FSTL4: variants seen among roughly 807,000 people sequenced by gnomAD.
FSTL4 encodes the protein follistatin like 4.
FSTL4 carries 28 observed loss-of-function variants against 78.2 expected under a neutral mutation model. The observed-to-expected ratio is 0.36, with a 90% CI of 0.27 to 0.49. The LOEUF is 0.49. Ranked by LOEUF, FSTL4 falls within the 20% of genes least tolerant of loss-of-function variation. The pLI is 0.98. For synonymous variants in FSTL4, 422 were observed against 440.5 expected (o/e 0.96, Z 0.53); for missense variants, 922 against 1,084.9 (o/e 0.85, Z 2.11).
intron 3 of FSTL4, among the ~76,000 whole-genome samples, chr5:133,499,813 T>C (rs184689228): frequency 6.6e-6 from 1 of 152,320 alleles, no homozygotes; most frequent in Admixed American, 6.5e-5. Flanking sequence ...GTACACATTT[T>C]AGCTTTATTA....
chr5:133,591,238 G>A (rs1240498613), intron 2 of FSTL4, among the ~76,000 whole-genome samples: 1 of 152,170 alleles, frequency 6.6e-6, no homozygotes, highest in African/African-American at 2.4e-5. Flanking sequence ...AGACAGGCCG[G>A]GTTGGTGAGG....
the FSTL4 span, among the ~76,000 whole-genome samples, chr5:133,786,708 T>A: frequency 1.3e-5 from 2 of 152,158 alleles, no homozygotes; most frequent in Non-Finnish European, 2.9e-5. Flanking sequence ...CAAAAAGGAC[T>A]TCCTAGGGTC....
chr5:133,839,624 C>T, the FSTL4 span, among the ~76,000 whole-genome samples: 1 of 152,214 alleles, frequency 6.6e-6, no homozygotes, highest in African/African-American at 2.4e-5. Context: ...CCTTAGACTT[C>T]TGATCCCACC....
chr5:133,495,090 G>A (rs1040252017), intron 3 of FSTL4, among the ~76,000 whole-genome samples: 1 of 152,308 alleles, frequency 6.6e-6, no homozygotes, highest in South Asian at 2.1e-4. Context: ...TCCATCCGGG[G>A]AAACGAGCAG....
At chr5:133,674,609 G>C in the FSTL4 span, among the ~76,000 whole-genome samples, 2,329 of 138,446 alleles carry the variant, frequency 0.017, 52 homozygotes, top group African/African-American at 0.057. Flanking sequence ...GTGTGTGTGT[G>C]TCTGTGTGTG....
chr5:133,304,530 T>C (rs924676382), intron 6 of FSTL4, among the ~76,000 whole-genome samples: 1 of 152,214 alleles, frequency 6.6e-6, no homozygotes, highest in African/African-American at 2.4e-5. Context: ...TTGTATATAA[T>C]AGATTTTCAA....
At chr5:133,535,057 G>A (rs1759325227) in intron 3 of FSTL4, among the ~76,000 whole-genome samples, 1 of 152,168 alleles carries the variant, frequency 6.6e-6, no homozygotes, top group Non-Finnish European at 1.5e-5. Context: ...TAAGGAGGGG[G>A]GTTATCTGAC....
chr5:133,487,068 T>C (rs2112864110), intron 3 of FSTL4, among the ~76,000 whole-genome samples: 1 of 152,310 alleles, frequency 6.6e-6, no homozygotes, highest in South Asian at 2.1e-4. Flanking sequence ...CAGCTGTATC[T>C]GGGGGTAGTG....
chr5:133,797,715 T>A, the FSTL4 span, among the ~76,000 whole-genome samples: 1 of 151,778 alleles, frequency 6.6e-6, no homozygotes, highest in Non-Finnish European at 1.5e-5. Context: ...TCCGTAGGAG[T>A]CCAACTCAAC....
At chr5:133,474,254 C>T (rs1757883401) in intron 3 of FSTL4, among the ~76,000 whole-genome samples, 1 of 152,124 alleles carries the variant, frequency 6.6e-6, no homozygotes, top group Admixed American at 6.5e-5. Flanking sequence ...TTTTTGACCC[C>T]TGCATCACCC....
At chr5:133,347,489 G>A (rs1260680495) in intron 4 of FSTL4, among the ~76,000 whole-genome samples, 2 of 152,188 alleles carry the variant, frequency 1.3e-5, no homozygotes, top group Non-Finnish European at 2.9e-5. Flanking sequence ...TGGGACAACA[G>A]GCGTGTGCCA....
rs918127502 is a variant in FSTL4 at position 133,612,144 on chromosome 5, G to A, written c.-11+181C>T. Among the ~76,000 whole-genome samples, 13 of 151,956 alleles carry A rather than the reference G, an allele frequency of 8.6e-5. No homozygotes were observed. Among genetic ancestry groups the A allele is most frequent in the Non-Finnish European group, 1.6e-4 (11 of 67,932 alleles). On this transcript the variant is annotated intron_variant, in intron 1 of 15. Transcript: ENST00000265342. The surrounding 1 kb of genome is among the most constrained non-coding windows in gnomAD (Gnocchi z 6.2). ...GCCCTGGCCCAGCGGTCCCTTCCCC[G>A]CGGGCAAACTTGGCTTTCCCGGCGC...
chr5:133,705,097 G>T, the FSTL4 span, among the ~76,000 whole-genome samples: 1 of 152,144 alleles, frequency 6.6e-6, no homozygotes, highest in African/African-American at 2.4e-5. Flanking sequence ...GTCTCGCTCT[G>T]TTGCCCAGGC....
the FSTL4 span, among the ~76,000 whole-genome samples, chr5:133,673,919 G>T: frequency 6.6e-6 from 1 of 152,138 alleles, no homozygotes; most frequent in East Asian, 1.9e-4. Context: ...CTCTGTTTTT[G>T]TTCTTACTAT....
chr5:133,293,356 T>A (rs1420107476), intron 6 of FSTL4, among the ~76,000 whole-genome samples: 1 of 152,242 alleles, frequency 6.6e-6, no homozygotes, highest in African/African-American at 2.4e-5. Flanking sequence ...CTCTTCCCTG[T>A]GGGTGTCTAC....
At chr5:133,554,409 C>T (rs748979647) in intron 3 of FSTL4, among the ~76,000 whole-genome samples, 3 of 152,214 alleles carry the variant, frequency 2.0e-5, no homozygotes, top group Non-Finnish European at 4.4e-5. Context: ...ATGGATCCTG[C>T]TGTCAGCAAT....
chr5:133,361,205 G>A lies in FSTL4; in HGVS notation c.409+39533C>T, dbSNP rs979751551. ...CTAATAAACTTTTCAAGGAGGGGTC[G>A]CATTCCGACCCTGCAGTGCTGGCTT... On this transcript the variant is annotated intron_variant, in intron 4 of 15. Coordinates refer to ENST00000265342, the MANE Select transcript of FSTL4 (RefSeq NM_015082.2). This position sits in a 1 kb window ranked among gnomAD's most constrained non-coding sequence, Gnocchi z 4.3. Among the ~76,000 whole-genome samples, 2 of 152,148 alleles carry A rather than the reference G, an allele frequency of 1.3e-5. No individual in the cohort carries two copies. The highest frequency in any genetic ancestry group is 2.4e-5 in the African/African-American group (1 of 41,416).
intron 4 of FSTL4, among the ~76,000 whole-genome samples, chr5:133,347,007 T>C (rs181433877): frequency 1.3e-5 from 2 of 152,336 alleles, no homozygotes; most frequent in Admixed American, 6.5e-5. Flanking sequence ...TAAAGGTTTT[T>C]TTTTATTAGA....
chr5:133,301,746 G>C (rs951092078), intron 6 of FSTL4, among the ~76,000 whole-genome samples: 1 of 152,226 alleles, frequency 6.6e-6, no homozygotes, highest in African/African-American at 2.4e-5. Flanking sequence ...GCTGCCCCAG[G>C]CGGCTCGCAC....
Sources: gnomAD v4.1 joint callset for allele counts (sites outside exome capture counted in the v4.1 genomes callset) on GRCh38, gnomAD v4.1.1 for gene constraint, Gnocchi (gnomAD v3.1) non-coding constraint, MANE v1.5 for transcripts, NCBI Gene and HGNC (gene_info 2026-07-23, HGNC 2026-07-21) for gene names.